MCUB: variants seen among roughly 807,000 people sequenced by gnomAD.
The protein encoded by MCUB is mitochondrial calcium uniporter dominant negative subunit beta, also known as calcium uniporter regulatory subunit MCUb, mitochondrial.
MCUB carries 46 observed loss-of-function variants against 41.4 expected under a neutral mutation model. The ratio of observed to expected loss-of-function variants is 1.11; its 90% CI spans 0.88 to 1.42. The LOEUF is 1.42. Ranked by LOEUF, MCUB falls within the 40% of genes most tolerant of loss-of-function variation. The pLI, the probability that MCUB is intolerant of heterozygous loss-of-function variation, is 0.00. For synonymous variants in MCUB, 148 were observed against 148.2 expected, an observed-to-expected ratio of 1.00 and a Z score of 0.01; for missense variants, 403 against 404.9, an observed-to-expected ratio of 1.00 and a Z score of 0.04.
chr4:109,671,393 G>C (rs1483005313), intron 4 of MCUB, among the ~76,000 whole-genome samples: 1 of 152,022 alleles, frequency 6.6e-6, no homozygotes, highest in Non-Finnish European at 1.5e-5. Flanking sequence ...ACAGTTCTTA[G>C]ATATTTTGTT....
At chr4:109,613,103 C>A (rs1247393370) in intron 1 of MCUB, among the ~76,000 whole-genome samples, 2 of 151,396 alleles carry the variant, frequency 1.3e-5, no homozygotes, top group Non-Finnish European at 2.9e-5. Context: ...CAGACTCCAT[C>A]TCAAAAAAGA....
chr4:109,630,081 T>G (rs531366443), intron 1 of MCUB, among the ~76,000 whole-genome samples: 1 of 152,318 alleles, frequency 6.6e-6, no homozygotes, highest in African/African-American at 2.4e-5. Context: ...TTTAAGAGCT[T>G]CTGCCAGGAA....
chr4:109,578,968 T>C (rs1011182191), intron 1 of MCUB, among the ~76,000 whole-genome samples: 2 of 152,216 alleles, frequency 1.3e-5, no homozygotes, highest in Admixed American at 1.3e-4. Context: ...CTACTTTCCT[T>C]CTGTTTACAT....
intron 1 of MCUB, among the ~76,000 whole-genome samples, chr4:109,598,613 G>A (rs1311400061): frequency 6.6e-6 from 1 of 151,816 alleles, no homozygotes; most frequent in Non-Finnish European, 1.5e-5. Context: ...AGACGGTGGG[G>A]AGACGGGAGA....
At chr4:109,685,408 C>A in intron 7 of MCUB, 41 bp downstream of exon 7, 1 of 845,194 alleles carries the variant, frequency 1.2e-6, no homozygotes, top group South Asian at 1.5e-5. Context: ...TGTTTGGGAG[C>A]CAGAACTTAG....
intron 4 of MCUB, among the ~76,000 whole-genome samples, chr4:109,675,423 AAG>A (rs1396538079): frequency 1.3e-5 from 2 of 152,224 alleles, no homozygotes; most frequent in Non-Finnish European, 2.9e-5. Flanking sequence ...CACACACACT[AAG>A]AGAGTTGAAC....
At chr4:109,668,821 G>T (rs1047349500) in intron 4 of MCUB, among the ~76,000 whole-genome samples, 1 of 150,568 alleles carries the variant, frequency 6.6e-6, no homozygotes, top group South Asian at 2.1e-4. Context: ...TTTTTTTAGC[G>T]GTTGCCTAAG....
Position 109,569,325 on chromosome 4 carries a change from C to T in MCUB, c.99+8889C>T, listed in dbSNP as rs528037934. 5.9e-5 allele frequency among the ~76,000 whole-genome samples: 9 copies of T among 152,052 alleles called. No individual in the cohort carries two copies. The East Asian group carries it at 9.7e-4, about 16-fold the overall frequency. On this transcript the variant is annotated intron_variant, in intron 1 of 7. Transcript: ENST00000394650. The stretch of plus-strand genomic sequence containing the variant: ...CCTCCCAAAGTGCTGAGATTACAGG[C>T]GTTAGCCACTGCGCCTGGCCATGAA...
intron 1 of MCUB, among the ~76,000 whole-genome samples, chr4:109,582,461 C>T (rs1264045786): frequency 1.3e-5 from 2 of 149,922 alleles, no homozygotes; most frequent in Non-Finnish European, 3.0e-5. Flanking sequence ...ACCAACATGG[C>T]ACATGTATAC....
chr4:109,679,527 TC>T (rs1029396203), intron 4 of MCUB, among the ~76,000 whole-genome samples: 7 of 151,900 alleles, frequency 4.6e-5, no homozygotes, highest in African/African-American at 1.7e-4. Flanking sequence ...GTGCCTGGAA[TC>T]CCAGGCACTC....
At chr4:109,684,394 T>G in intron 5 of MCUB, 49 bp from the exon 6 acceptor site, 1 of 1,443,330 alleles carries the variant, frequency 6.9e-7, no homozygotes, top group South Asian at 1.3e-5. Context: ...TTTGTCCCTT[T>G]AGTTGGTGTA....
At chr4:109,651,171 A>C (rs1728952230) in intron 1 of MCUB, among the ~76,000 whole-genome samples, 1 of 152,246 alleles carries the variant, frequency 6.6e-6, no homozygotes, top group African/African-American at 2.4e-5. Flanking sequence ...ATTATGTCAG[A>C]ATACACTCAT....
Position 109,630,017 on chromosome 4 carries a change from C to G in MCUB, c.100-28994C>G, listed in dbSNP as rs59149692. Among the ~76,000 whole-genome samples the G allele has an allele frequency of 7.1e-3, 1,086 of 152,244 alleles. 7 individuals carry two copies. Among genetic ancestry groups the G allele is most frequent in the African/African-American group, 0.025 (1,047 of 41,536 alleles). On this transcript the variant is annotated intron_variant, in intron 1 of 7. Transcript: ENST00000394650. ...AAGCTACCTAGGAGCTGGCAGCTATCGGTCAACACATTAGCATATAAAAGA... is the reference window on the plus strand; with the variant it reads ...AAGCTACCTAGGAGCTGGCAGCTATGGGTCAACACATTAGCATATAAAAGA...
chr4:109,673,072 T>C lies in MCUB; in HGVS notation c.451+8678T>C, dbSNP rs147146972. On this transcript the variant is annotated intron_variant, in intron 4 of 7. Transcript: ENST00000394650. ...AACACTTACAAACTTGCTTCCATTC[T>C]GAATTCTCTTTTAACATCAGGGCAG... Among the ~76,000 whole-genome samples, 34 of 152,368 alleles carry C rather than the reference T, an allele frequency of 2.2e-4. No homozygotes were observed. The East Asian group carries it at 6.0e-3, about 27-fold the overall frequency.
chr4:109,581,031 T>C (rs59646325), intron 1 of MCUB, among the ~76,000 whole-genome samples: 29,153 of 152,068 alleles, frequency 0.19, 3,870 homozygotes, highest in African/African-American at 0.37. Context: ...AAAAAGTACT[T>C]TAAAGTTCAT....
intron 1 of MCUB, among the ~76,000 whole-genome samples, chr4:109,643,393 C>T: frequency 6.6e-6 from 1 of 151,800 alleles, no homozygotes; most frequent in Non-Finnish European, 1.5e-5. Context: ...GTATGTTGGC[C>T]AGGCTGGTCT....
At chr4:109,647,415 A>G (rs1408168045) in intron 1 of MCUB, among the ~76,000 whole-genome samples, 1 of 152,124 alleles carries the variant, frequency 6.6e-6, no homozygotes, top group East Asian at 1.9e-4. Context: ...GCAAAATGTC[A>G]TGTAGTCGGA....
chr4:109,674,365 T>C, intron 4 of MCUB, among the ~76,000 whole-genome samples: 1 of 152,240 alleles, frequency 6.6e-6, no homozygotes, highest in Non-Finnish European at 1.5e-5. Flanking sequence ...CTAAATGCAC[T>C]TGATGGTGTT....
intron 1 of MCUB, among the ~76,000 whole-genome samples, chr4:109,622,207 T>C (rs1001709220): frequency 1.2e-4 from 19 of 152,202 alleles, no homozygotes; most frequent in African/African-American, 4.1e-4. Flanking sequence ...TATATGTATA[T>C]GTTTCTGAAT....
Sources: gnomAD v4.1 joint callset for allele counts (sites outside exome capture counted in the v4.1 genomes callset) on GRCh38, gnomAD v4.1.1 for gene constraint, MANE v1.5 for transcripts, NCBI Gene and HGNC (gene_info 2026-07-23, HGNC 2026-07-21) for gene names.